Variants in ANAPC7 observed in about 807,000 individuals in gnomAD.
The protein encoded by ANAPC7 is anaphase-promoting complex subunit 7.
Under a neutral mutation model 63.3 loss-of-function variants are expected in ANAPC7, and 25 were observed. The ratio of observed to expected loss-of-function variants is 0.39; its 90% CI spans 0.29 to 0.55. The LOEUF (loss-of-function observed/expected upper bound fraction) is 0.55, where lower values mean the gene tolerates loss of function less well. ANAPC7 is among the 20% of genes least tolerant of loss of function. ANAPC7 has a pLI of 0.57. For missense variants in ANAPC7, 516 were observed against 691.7 expected, an observed-to-expected ratio of 0.75 and a Z score of 2.85; for synonymous variants, 241 against 251.7, an observed-to-expected ratio of 0.96 and a Z score of 0.40.
chr12:110,382,078 G>A lies in ANAPC7; in HGVS notation c.936-130C>T. ...ATCCTTATTCCAAACCACACTTATAGTTTTAACCTAAGATATTAGTAGAAA... is the reference window on the plus strand; with the variant it reads ...ATCCTTATTCCAAACCACACTTATAATTTTAACCTAAGATATTAGTAGAAA... On this transcript the variant is annotated intron_variant, in intron 7 of 10. Coordinates refer to ENST00000455511, the MANE Select transcript of ANAPC7 (RefSeq NM_016238.3). 6 of 884,170 alleles carry A rather than the reference G, an allele frequency of 6.8e-6. No homozygotes were observed. The South Asian group carries it at 1.3e-4, about 19-fold the overall frequency. The allele number at this position is 884,170 out of a possible 1,614,324, so 54.8% of individuals were successfully genotyped here.
chr12:110,388,361 G>T, intron 4 of ANAPC7, 151 bp downstream of exon 4: 1 of 631,000 alleles, frequency 1.6e-6, no homozygotes, highest in Non-Finnish European at 2.7e-6. Context: ...AGTATTTCTT[G>T]ATTGAATATG....
chr12:110,391,411 G>A lies in ANAPC7; in HGVS notation c.409-2788C>T, dbSNP rs374781177. 2.5e-4 allele frequency among the ~76,000 whole-genome samples: 38 copies of A among 152,218 alleles called. No individual in the cohort carries two copies. In the East Asian group the frequency reaches 4.1e-3, roughly 16 times the overall value. On this transcript the variant is annotated intron_variant, in intron 3 of 10. Transcript: ENST00000455511. ...TTTAAAATGTGAGGGAATATGTGGC[G>A]ATGTTTACCATATATTAACAGACAT...
intron 7 of ANAPC7, among the ~76,000 whole-genome samples, chr12:110,382,441 TAAAA>T (rs137996217): frequency 0.03 from 1,564 of 52,740 alleles, 39 homozygotes; most frequent in African/African-American, 0.054. Context: ...ATTATCCTTT[TAAAA>T]AAAAAAAAAA....
At position 110,374,113 on chromosome 12, in the gene ANAPC7, A is replaced by G; in HGVS notation, c.*31T>C. 6.3e-7 allele frequency: 1 copy of G among 1,588,038 alleles called. No individual in the cohort carries two copies. The highest frequency in any genetic ancestry group is 8.5e-7 in the Non-Finnish European group (1 of 1,170,058). The stretch of plus-strand genomic sequence containing the variant: ...TCCACGGAAGTGCTCAGAGCAGGGC[A>G]GGCCACTGCGGCCATGGAGCTGCCG... On this transcript the variant is annotated 3_prime_UTR_variant, in exon 11 of 11. Coordinates refer to ENST00000455511, the MANE Select transcript of ANAPC7 (RefSeq NM_016238.3).
At chr12:110,393,894 C>A (rs1488005642) in intron 3 of ANAPC7, among the ~76,000 whole-genome samples, 1 of 145,882 alleles carries the variant, frequency 6.9e-6, no homozygotes. Flanking sequence ...AAAAAATAGC[C>A]GGACATGGTG....
chr12:110,400,411 T>C (rs2062212103), intron 1 of ANAPC7, among the ~76,000 whole-genome samples: 1 of 152,210 alleles, frequency 6.6e-6, no homozygotes, highest in Non-Finnish European at 1.5e-5. Context: ...TAACAGTGTC[T>C]ATTCCTATTC....
chr12:110,374,275 TCTC>T lies in ANAPC7; in HGVS notation c.1564_1566del (p.Glu522del). On this transcript the variant is annotated inframe_deletion, in exon 11 of 11. Coordinates refer to ENST00000455511, the MANE Select transcript of ANAPC7 (RefSeq NM_016238.3). ...TCCTCCTGAGTGGCATCCGTGGGACTCTCCTCCTTCTCCATCTTCTGCATCCCC... is the reference window on the plus strand; with the variant it reads ...TCCTCCTGAGTGGCATCCGTGGGACTCTCCTTCTCCATCTTCTGCATCCCC... 6.2e-7 allele frequency: 1 copy of T among 1,614,150 alleles called. No individual in the cohort carries two copies. Among genetic ancestry groups the T allele is most frequent in the East Asian group, 2.2e-5 (1 of 44,882 alleles).
At position 110,377,522 on chromosome 12, in the gene ANAPC7, G is replaced by A; in HGVS notation, c.1228C>T (p.Leu410Phe). ...AGACAAACGGTGGCTAAAAGGGTAAGGGTCTGTGCATTTGCTCCCAGAGTT... is the reference window on the plus strand; with the variant it reads ...AGACAAACGGTGGCTAAAAGGGTAAAGGTCTGTGCATTTGCTCCCAGAGTT... ...YKTLGANAQTLTLLATVCLED... is the reference protein window; with the variant it reads ...YKTLGANAQTFTLLATVCLED... Residue 410 changes from leucine to phenylalanine, a missense_variant, in exon 9 of 11, where the codon CTT becomes TTT. This residue lies in a region of ANAPC7 where 122 missense variants were observed against 212.0 expected (regional missense o/e 0.58). Coordinates refer to ENST00000455511, the MANE Select transcript of ANAPC7 (RefSeq NM_016238.3). 1 of 1,614,226 alleles carries A rather than the reference G, an allele frequency of 6.2e-7. No homozygotes were observed. The highest frequency in any genetic ancestry group is 1.1e-5 in the South Asian group (1 of 91,080).
At chr12:110,397,282 C>T (rs2062156660) in intron 1 of ANAPC7, among the ~76,000 whole-genome samples, 1 of 151,826 alleles carries the variant, frequency 6.6e-6, no homozygotes, top group South Asian at 2.1e-4. Flanking sequence ...AGGCCAGGCG[C>T]GGTGGCTCAC....
intron 3 of ANAPC7, among the ~76,000 whole-genome samples, chr12:110,392,861 C>T (rs1372264545): frequency 5.3e-5 from 8 of 152,088 alleles, no homozygotes; most frequent in African/African-American, 1.2e-4. Flanking sequence ...AATGGCACCA[C>T]GTCGGCTCAC....
chr12:110,394,906 G>T (rs1326917095), intron 3 of ANAPC7, among the ~76,000 whole-genome samples, 195 bp downstream of exon 3: 1 of 152,076 alleles, frequency 6.6e-6, no homozygotes, highest in East Asian at 1.9e-4. Flanking sequence ...ATAAGCATGT[G>T]TAGTATTCTC....
Position 110,403,684 on chromosome 12 carries a change from G to A in ANAPC7, c.-57C>T, listed in dbSNP as rs1027371570. ...AGCACTGACTCGAAAAGCCGGTAGA[G>A]GATCCTTAGGGAAGACTCCAAAATG... On this transcript the variant is annotated 5_prime_UTR_variant, in exon 1 of 11. Transcript: ENST00000455511. The A allele has an allele frequency of 3.0e-5, 47 of 1,553,794 alleles. No homozygotes were observed. Among genetic ancestry groups the A allele is most frequent in the Admixed American group, 9.8e-5 (5 of 51,160 alleles).
intron 7 of ANAPC7, among the ~76,000 whole-genome samples, 189 bp from the exon 8 acceptor site, chr12:110,382,137 T>C (rs1233853192): frequency 6.6e-6 from 1 of 151,924 alleles, no homozygotes; most frequent in African/African-American, 2.4e-5. Context: ...CTATTTATTT[T>C]TAAGGGGAAA....
At chr12:110,391,516 G>C (rs182229965) in intron 3 of ANAPC7, among the ~76,000 whole-genome samples, 5 of 152,102 alleles carry the variant, frequency 3.3e-5, no homozygotes, top group Admixed American at 2.0e-4. Context: ...AGACAAGAAA[G>C]AAAAACTGTA....
intron 8 of ANAPC7, chr12:110,378,588 T>C (rs1168754567): frequency 6.6e-6 from 1 of 152,310 alleles, no homozygotes; most frequent in Admixed American, 6.6e-5. Flanking sequence ...CCCTTGCCTC[T>C]TTCCACACCC....
At chr12:110,386,515 T>C (rs1439205559) in intron 5 of ANAPC7, 46 bp from the exon 6 acceptor site, 7 of 1,499,414 alleles carry the variant, frequency 4.7e-6, no homozygotes, top group Non-Finnish European at 6.4e-6. Flanking sequence ...CTATTATAAA[T>C]CCTCTTAGTT....
Position 110,382,874 on chromosome 12 carries a change from C to T in ANAPC7, c.904G>A (p.Asp302Asn). 6.2e-7 allele frequency: 1 copy of T among 1,613,924 alleles called. No homozygotes were observed. Among genetic ancestry groups the T allele is most frequent in the Non-Finnish European group, 8.5e-7 (1 of 1,179,884 alleles). ...ACCACCCACGGTTCTGCATGCTGAT[C>T]AGAGATATTGAAAAGGCGGCATCCA... ...NLGCRLFNIS[D>N]QHAEPWVVSG... The change falls in exon 7 of 11, where the codon GAT becomes AAT. Residue 302 changes from aspartate to asparagine, a missense_variant. Around this residue, in one of 4 missense-constraint regions of ANAPC7, gnomAD observed 199 missense variants for 249.3 expected, o/e 0.80. Coordinates refer to ENST00000455511, the MANE Select transcript of ANAPC7 (RefSeq NM_016238.3).
At chr12:110,391,323 G>A (rs1883068383) in intron 3 of ANAPC7, among the ~76,000 whole-genome samples, 1 of 152,128 alleles carries the variant, frequency 6.6e-6, no homozygotes, top group Non-Finnish European at 1.5e-5. Flanking sequence ...TTCTATGTTG[G>A]TATGTTTACT....
Position 110,387,901 on chromosome 12 carries a change from A to G in ANAPC7, c.521-9T>C. 1 of 1,611,864 alleles carries G rather than the reference A, an allele frequency of 6.2e-7. No homozygotes were observed. The highest frequency in any genetic ancestry group is 1.1e-5 in the South Asian group (1 of 90,956). On this transcript the variant is annotated splice_polypyrimidine_tract_variant and intron_variant, in intron 4 of 10. Coordinates refer to ENST00000455511, the MANE Select transcript of ANAPC7 (RefSeq NM_016238.3). ...AGAAAGGGACAACAAGCCTAAACCAACAGAAAGCAGAAGAAAGAAAGTAAG... is the reference window on the plus strand; with the variant it reads ...AGAAAGGGACAACAAGCCTAAACCAGCAGAAAGCAGAAGAAAGAAAGTAAG...
Sources: gnomAD v4.1 joint callset for allele counts (sites outside exome capture counted in the v4.1 genomes callset) on GRCh38, gnomAD v4.1.1 for gene constraint, gnomAD v4.1.1 regional missense constraint, MANE v1.5 for transcripts, NCBI Gene and HGNC (gene_info 2026-07-23, HGNC 2026-07-21) for gene names.